The following TTC7A variants were observed in gnomAD, a reference collection of about 807,000 sequenced individuals.
The protein encoded by TTC7A is tetratricopeptide repeat protein 7A.
TTC7A carries 110 observed loss-of-function variants against 103.7 expected under a neutral mutation model. The ratio of observed to expected loss-of-function variants is 1.06; its 90% CI spans 0.91 to 1.24. The LOEUF (loss-of-function observed/expected upper bound fraction) is 1.24. TTC7A is among the 50% of genes most tolerant of loss of function. TTC7A has a pLI of 0.00. For missense variants in TTC7A, 1,340 were observed against 1,116.3 expected (o/e 1.20, Z -2.86); for synonymous variants, 521 against 467.9 (o/e 1.11, Z -1.47).
At chr2:46,987,809 C>CGCGTGTGTGT (rs1466713336) in intron 5 of TTC7A, among the ~76,000 whole-genome samples, 8 of 144,648 alleles carry the variant, frequency 5.5e-5, no homozygotes, top group African/African-American at 1.8e-4. Flanking sequence ...CCTTTCCGCG[C>CGCGTGTGTGT]GTGTGTGTGT....
In TTC7A at chr2:46,978,783, C is replaced by CTGAA. The variant is rs760408457; in HGVS notation, c.649-9_649-8insTGAA. ...GAGACAATGGCTCTCTCTCTGTTTC[C>CTGAA]CTTCCCAGACCACAAATAACAGCAC... On this transcript the variant is annotated splice_polypyrimidine_tract_variant and intron_variant, in intron 4 of 19. Coordinates refer to ENST00000319190, the MANE Select transcript of TTC7A (RefSeq NM_020458.4). 1.2e-6 allele frequency: 2 copies of CTGAA among 1,612,200 alleles called. No individual in the cohort carries two copies. The highest frequency in any genetic ancestry group is 2.2e-5 in the East Asian group (1 of 44,870).
intron 1 of TTC7A, among the ~76,000 whole-genome samples, chr2:46,943,438 G>A (rs1193099009): frequency 6.6e-6 from 1 of 151,992 alleles, no homozygotes; most frequent in African/African-American, 2.4e-5. Context: ...GGAGATGGAG[G>A]GTCAGCAGGG....
chr2:46,954,076 G>C lies in TTC7A; in HGVS notation c.349-2763G>C, dbSNP rs145071679. Among the ~76,000 whole-genome samples, 378 of 152,152 alleles carry C rather than the reference G, an allele frequency of 2.5e-3. 1 individual carries two copies. The highest frequency in any genetic ancestry group is 8.6e-3 in the African/African-American group (356 of 41,532). On this transcript the variant is annotated intron_variant, in intron 2 of 19. Transcript: ENST00000319190. ...TTGGTACTGCCTCCCAGAGTACTGGGGTGGAAATAAAATAATGACTGGGAA... is the reference window on the plus strand; with the variant it reads ...TTGGTACTGCCTCCCAGAGTACTGGCGTGGAAATAAAATAATGACTGGGAA...
intron 8 of TTC7A, among the ~76,000 whole-genome samples, chr2:47,002,970 C>G (rs112072295): frequency 6.6e-6 from 1 of 152,166 alleles, no homozygotes; most frequent in Non-Finnish European, 1.5e-5. Flanking sequence ...CTATCACCAG[C>G]CTGAGGATTT....
intron 8 of TTC7A, among the ~76,000 whole-genome samples, chr2:47,002,816 C>T (rs1487582577): frequency 2.0e-5 from 3 of 152,114 alleles, no homozygotes; most frequent in East Asian, 1.9e-4. Flanking sequence ...TATTTCACTT[C>T]GGCCCTGCCC....
chr2:46,928,243 T>G (rs76525433), intron 2 of TTC7A, among the ~76,000 whole-genome samples: 10,594 of 151,872 alleles, frequency 0.07, 518 homozygotes, highest in African/African-American at 0.13. Flanking sequence ...TTTTGCAGCT[T>G]AAAATAACAC....
intron 2 of TTC7A, among the ~76,000 whole-genome samples, chr2:46,954,724 A>C (rs1671699152): frequency 6.6e-6 from 1 of 151,614 alleles, no homozygotes; most frequent in Non-Finnish European, 1.5e-5. Context: ...GGCGCCCACC[A>C]CCACGCCCGG....
intron 11 of TTC7A, among the ~76,000 whole-genome samples, chr2:47,016,541 A>G (rs969840607): frequency 6.6e-6 from 1 of 152,220 alleles, no homozygotes; most frequent in Admixed American, 6.5e-5. Context: ...TTTTAGTGGC[A>G]AGGTTCCATG....
intron 8 of TTC7A, among the ~76,000 whole-genome samples, chr2:46,996,206 G>T (rs1016469422): frequency 1.3e-5 from 2 of 152,222 alleles, no homozygotes; most frequent in Admixed American, 6.5e-5. Context: ...TGGTCCAAAG[G>T]GGGCACAGGA....
At chr2:47,065,023 C>G (rs1277113269) in intron 19 of TTC7A, among the ~76,000 whole-genome samples, 1 of 152,348 alleles carries the variant, frequency 6.6e-6, no homozygotes, top group East Asian at 1.9e-4. Context: ...CTCAGTGGCT[C>G]ACGCCTGTAA....
chr2:46,942,615 C>G (rs2103900511), intron 1 of TTC7A, among the ~76,000 whole-genome samples: 1 of 152,304 alleles, frequency 6.6e-6, no homozygotes, highest in Admixed American at 6.5e-5. Context: ...CTTTAATCAA[C>G]CCCGTGAAGC....
chr2:47,021,965 T>G lies in TTC7A; in HGVS notation c.1496T>G (p.Leu499Arg), dbSNP rs369826283. The change falls in exon 12 of 20, where the codon CTG becomes CGG. Residue 499 changes from leucine (L) to arginine (R), a missense_variant. Leu to Arg is a moderately radical substitution (Grantham distance 102, BLOSUM62 -2). Transcript: ENST00000319190. ...CTGGCTCTGGGTCTCACCTATAGCC[T>G]GCAGGCCACCGACGGTGAGTGCCAG... ...GYLALGLTYS[L>R]QATDATLKSK... is the part of the protein sequence containing the mutation. 2 of 1,611,028 alleles carry G rather than the reference T, an allele frequency of 1.2e-6. No homozygotes were observed. Among genetic ancestry groups the G allele is most frequent in the African/African-American group, 2.7e-5 (2 of 74,898 alleles).
At chr2:47,061,061 C>T in intron 19 of TTC7A, 90 bp downstream of exon 19, 2 of 1,331,916 alleles carry the variant, frequency 1.5e-6, no homozygotes, top group South Asian at 2.8e-5. Flanking sequence ...CCATACTCCA[C>T]TGCCTGCCTG....
At chr2:47,044,410 C>T (rs1205721053) in intron 15 of TTC7A, among the ~76,000 whole-genome samples, 2 of 152,188 alleles carry the variant, frequency 1.3e-5, no homozygotes, top group African/African-American at 4.8e-5. Context: ...TGCAAACCTG[C>T]GGAAGGAGAG....
rs572113941 is a variant in TTC7A, at chr2:46,929,441, G to A, written c.82+12164G>A. 9.2e-5 allele frequency among the ~76,000 whole-genome samples: 14 copies of A among 152,004 alleles called. No individual in the cohort carries two copies. In the South Asian group the frequency reaches 1.0e-3, roughly 11 times the overall value. The stretch of plus-strand genomic sequence containing the variant: ...TGGGGCTGCAGTGAGCTATGATAGC[G>A]CAACTACACTCCAGCCTGGGCAACA... On this transcript the variant is annotated intron_variant, in intron 2 of 20. Coordinates refer to the TTC7A transcript ENST00000409245.
At position 46,966,634 on chromosome 2, in the gene TTC7A, C is replaced by T. The variant is rs1470446840; in HGVS notation, c.518-8339C>T. Among the ~76,000 whole-genome samples the T allele has an allele frequency of 4.0e-5, 6 of 149,902 alleles. No homozygotes were observed. The South Asian group carries it at 1.3e-3, about 31-fold the overall frequency. On this transcript the variant is annotated intron_variant, in intron 3 of 19. Coordinates refer to ENST00000319190, the MANE Select transcript of TTC7A (RefSeq NM_020458.4). ...TATAAATAATACTGAAATGGATATC[C>T]TTGAAGCTAAATTTTGTATACATCA...
intron 10 of TTC7A, among the ~76,000 whole-genome samples, chr2:47,008,453 C>T (rs971860186): frequency 3.3e-5 from 5 of 152,208 alleles, no homozygotes; most frequent in Admixed American, 2.0e-4. Flanking sequence ...AGCCTGGCAC[C>T]ATCCCAGCAT....
intron 15 of TTC7A, among the ~76,000 whole-genome samples, chr2:47,044,642 G>A (rs955609792): frequency 2.6e-5 from 4 of 152,244 alleles, no homozygotes; most frequent in Non-Finnish European, 5.9e-5. Context: ...TTTAAAGCCA[G>A]GCTTGGGATG....
At chr2:46,996,702 C>T (rs1406874385) in intron 8 of TTC7A, among the ~76,000 whole-genome samples, 2 of 152,172 alleles carry the variant, frequency 1.3e-5, no homozygotes, top group African/African-American at 4.8e-5. Flanking sequence ...AGTGGTTGCC[C>T]AGGGGAGGGG....
Sources: allele counts gnomAD v4.1 joint callset (sites outside exome capture counted in the v4.1 genomes callset), GRCh38; gene constraint gnomAD v4.1.1; transcripts MANE v1.5; gene names NCBI Gene and HGNC (gene_info 2026-07-23, HGNC 2026-07-21).